The following MAN1A1 variants were observed in gnomAD, a reference collection of about 807,000 sequenced individuals.
MAN1A1 encodes mannosyl-oligosaccharide 1,2-alpha-mannosidase IA.
Under a neutral mutation model 70.8 loss-of-function variants are expected in MAN1A1, and 29 were observed. That is an observed-to-expected ratio of 0.41 (90% CI 0.31 to 0.56). The LOEUF (loss-of-function observed/expected upper bound fraction) is 0.56, where lower values mean the gene tolerates loss of function less well. MAN1A1 is among the 20% of genes least tolerant of loss of function. MAN1A1 has a pLI of 0.29. For synonymous variants in MAN1A1, 349 were observed against 330.1 expected, an observed-to-expected ratio of 1.06 and a Z score of -0.62; for missense variants, 747 against 841.3, an observed-to-expected ratio of 0.89 and a Z score of 1.39.
intron 6 of MAN1A1, among the ~76,000 whole-genome samples, chr6:119,237,748 T>C (rs1429252273): frequency 6.6e-6 from 1 of 152,214 alleles, no homozygotes; most frequent in East Asian, 1.9e-4. Context: ...ATAAATGTGA[T>C]CTTTGTAAAA....
chr6:119,246,069 G>C (rs1255455446), intron 6 of MAN1A1, among the ~76,000 whole-genome samples: 2 of 152,142 alleles, frequency 1.3e-5, no homozygotes, highest in East Asian at 3.8e-4. Context: ...GAAATAAACA[G>C]TAAAGTTAAA....
chr6:119,270,410 G>A lies in MAN1A1; in HGVS notation c.897+20273C>T, dbSNP rs191020542. ...ATATCATACAATTCACCCATTTAAA[G>A]TATACACTTTAGTGGCTTTAGTATA... is the stretch of plus-strand genomic sequence containing the variant. On this transcript the variant is annotated intron_variant, in intron 5 of 12. Transcript: ENST00000368468. Among the ~76,000 whole-genome samples, 919 of 152,188 alleles carry A rather than the reference G, an allele frequency of 6.0e-3. 5 individuals are homozygous for A. The highest frequency in any genetic ancestry group is 0.021 in the African/African-American group (869 of 41,520).
intron 6 of MAN1A1, among the ~76,000 whole-genome samples, chr6:119,216,445 G>A (rs773275595): frequency 2.6e-5 from 4 of 152,162 alleles, no homozygotes; most frequent in Non-Finnish European, 5.9e-5. Flanking sequence ...AGGGAAGACA[G>A]GATCAAAGAT....
intron 6 of MAN1A1, among the ~76,000 whole-genome samples, chr6:119,232,772 T>C (rs1398046100): frequency 6.6e-6 from 1 of 151,866 alleles, no homozygotes; most frequent in Non-Finnish European, 1.5e-5. Context: ...AAGGCACTAA[T>C]ATTAGCTTAT....
chr6:119,331,491 A>G (rs1366479405), intron 2 of MAN1A1, among the ~76,000 whole-genome samples: 2 of 150,120 alleles, frequency 1.3e-5, no homozygotes, highest in African/African-American at 4.9e-5. Flanking sequence ...ACTTTCCAGA[A>G]CCCCCAATAA....
intron 6 of MAN1A1, among the ~76,000 whole-genome samples, chr6:119,221,341 C>A (rs569747289): frequency 3.2e-4 from 48 of 152,150 alleles, no homozygotes; most frequent in Middle Eastern, 3.4e-3. Flanking sequence ...TTTCTTCAAT[C>A]GCATTTTAAA....
At chr6:119,282,400 G>T (rs1054932048) in intron 5 of MAN1A1, among the ~76,000 whole-genome samples, 2 of 152,146 alleles carry the variant, frequency 1.3e-5, no homozygotes, top group African/African-American at 2.4e-5. Context: ...ACAAGAAAAA[G>T]CAGTAATTTC....
intron 2 of MAN1A1, among the ~76,000 whole-genome samples, chr6:119,331,399 T>C (rs1004062118): frequency 6.6e-6 from 1 of 151,936 alleles, no homozygotes; most frequent in African/African-American, 2.4e-5. Flanking sequence ...GAGTCATAGT[T>C]GCCCCAAGAT....
At chr6:119,347,147 A>G (rs1562251461) in intron 2 of MAN1A1, among the ~76,000 whole-genome samples, 1 of 152,230 alleles carries the variant, frequency 6.6e-6, no homozygotes, top group Non-Finnish European at 1.5e-5. Flanking sequence ...TTCTTCCTAA[A>G]CCGAAAGGGA....
At chr6:119,191,016 T>G (rs1012132472) in intron 9 of MAN1A1, among the ~76,000 whole-genome samples, 6 of 152,094 alleles carry the variant, frequency 3.9e-5, no homozygotes, top group African/African-American at 7.2e-5. Context: ...AAACTTGTGA[T>G]AGAGAAGAAT....
chr6:119,237,439 T>C (rs78694826), intron 6 of MAN1A1, among the ~76,000 whole-genome samples: 3 of 152,162 alleles, frequency 2.0e-5, no homozygotes, highest in Non-Finnish European at 2.9e-5. Context: ...TCAGCCCCAC[T>C]GCGAGTTTGC....
intron 6 of MAN1A1, among the ~76,000 whole-genome samples, chr6:119,237,659 T>C (rs1202575971): frequency 6.6e-6 from 1 of 152,180 alleles, no homozygotes; most frequent in Non-Finnish European, 1.5e-5. Context: ...GCAACCTGTA[T>C]GAAGTCCTGA....
intron 6 of MAN1A1, among the ~76,000 whole-genome samples, chr6:119,206,005 C>G (rs1773849845): frequency 6.6e-6 from 1 of 152,172 alleles, no homozygotes; most frequent in Admixed American, 6.5e-5. Flanking sequence ...AAAGCTGGGA[C>G]ACACAATCCA....
intron 7 of MAN1A1, among the ~76,000 whole-genome samples, chr6:119,202,319 C>A (rs1308783462): frequency 1.3e-5 from 2 of 152,104 alleles, no homozygotes; most frequent in Admixed American, 1.3e-4. Context: ...TAGGACTCCA[C>A]AGGACCATCA....
intron 6 of MAN1A1, among the ~76,000 whole-genome samples, chr6:119,239,084 G>T (rs1159948391): frequency 6.6e-6 from 1 of 151,926 alleles, no homozygotes; most frequent in Non-Finnish European, 1.5e-5. Flanking sequence ...TAGAGACGGG[G>T]TTTCACCGTG....
rs151026529 is a variant in MAN1A1, at chr6:119,198,202, A to G, written c.1210+3052T>C. ...TCAGGAGTTCGAGACCAGCCTGGACAACATGGTGAAACCCCCATCTCTACT... is the reference window on the plus strand; with the variant it reads ...TCAGGAGTTCGAGACCAGCCTGGACGACATGGTGAAACCCCCATCTCTACT... On this transcript the variant is annotated intron_variant, in intron 8 of 12. Transcript: ENST00000368468. Among the ~76,000 whole-genome samples the G allele has an allele frequency of 3.0e-3, 453 of 152,334 alleles. 1 individual carries two copies. Among genetic ancestry groups the G allele is most frequent in the African/African-American group, 0.011 (443 of 41,576 alleles).
intron 5 of MAN1A1, among the ~76,000 whole-genome samples, chr6:119,249,353 G>C (rs988067184): frequency 3.3e-5 from 5 of 152,210 alleles, no homozygotes; most frequent in African/African-American, 1.2e-4. Flanking sequence ...GTGCAGAACT[G>C]TGTTTTAGGA....
chr6:119,278,126 A>T (rs1295708564), intron 5 of MAN1A1, among the ~76,000 whole-genome samples: 1 of 151,390 alleles, frequency 6.6e-6, no homozygotes, highest in Non-Finnish European at 1.5e-5. Context: ...AGCCTGAGTG[A>T]CAGAGAGACC....
chr6:119,218,873 G>GTT (rs140884805), intron 6 of MAN1A1, among the ~76,000 whole-genome samples: 19 of 149,442 alleles, frequency 1.3e-4, no homozygotes, highest in African/African-American at 2.7e-4. Context: ...ATAATTATCT[G>GTT]TTTTTTTTTT....
Sources: gnomAD v4.1 joint callset for allele counts (sites outside exome capture counted in the v4.1 genomes callset) on GRCh38, gnomAD v4.1.1 for gene constraint, MANE v1.5 for transcripts, NCBI Gene and HGNC (gene_info 2026-07-23, HGNC 2026-07-21) for gene names.